Variants in ASAP2 observed in about 807,000 individuals in gnomAD.
The protein encoded by ASAP2 is ArfGAP with SH3 domain, ankyrin repeat and PH domain 2, also known as arf-GAP with SH3 domain, ANK repeat and PH domain-containing protein 2.
In ASAP2, 45 loss-of-function variants were observed where a neutral mutation model predicts 131.4. That is an observed-to-expected ratio of 0.34 (90% CI 0.27 to 0.44). ASAP2 has a LOEUF of 0.44. ASAP2 is among the 20% of genes least tolerant of loss of function. The pLI is 1.00. For missense variants in ASAP2, 1,011 were observed against 1,297.0 expected (o/e 0.78, Z 3.39); for synonymous variants, 510 against 503.0 (o/e 1.01, Z -0.19).
rs963516048 is a variant in ASAP2 at position 9,389,902 on chromosome 2, C to T, written c.2384-1160C>T. 2.0e-5 allele frequency among the ~76,000 whole-genome samples: 3 copies of T among 152,170 alleles called. No individual in the cohort carries two copies. The highest frequency in any genetic ancestry group is 4.1e-4 in the South Asian group (2 of 4,822). ...GGCTGGTCGGGGCCCAGGGTGGGTGCGGCTTTCTCCCCGCCTCTCCCAGAT... is the reference window on the plus strand; with the variant it reads ...GGCTGGTCGGGGCCCAGGGTGGGTGTGGCTTTCTCCCCGCCTCTCCCAGAT... On this transcript the variant is annotated intron_variant, in intron 22 of 27. Coordinates refer to ENST00000281419, the MANE Select transcript of ASAP2 (RefSeq NM_003887.3). This position sits in a 1 kb window ranked among gnomAD's most constrained non-coding sequence, Gnocchi z 4.7.
At chr2:9,350,308 C>T (rs1200892886) in intron 11 of ASAP2, among the ~76,000 whole-genome samples, 3 of 152,126 alleles carry the variant, frequency 2.0e-5, no homozygotes, top group South Asian at 2.1e-4. Context: ...TATCTGTCAC[C>T]ACTTCAAACA....
intron 1 of ASAP2, among the ~76,000 whole-genome samples, chr2:9,277,755 G>T (rs976793935): frequency 1.3e-5 from 2 of 152,114 alleles, no homozygotes; most frequent in African/African-American, 4.8e-5. Context: ...GCTCACTCTT[G>T]TACATTCCAT....
At chr2:9,340,154 C>G (rs1671484394) in intron 9 of ASAP2, among the ~76,000 whole-genome samples, 1 of 152,202 alleles carries the variant, frequency 6.6e-6, no homozygotes, top group African/African-American at 2.4e-5. Flanking sequence ...TCCCAATTAG[C>G]TGGGATTACA....
At chr2:9,317,614 A>G (rs1669851988) in intron 3 of ASAP2, among the ~76,000 whole-genome samples, 1 of 150,110 alleles carries the variant, frequency 6.7e-6, no homozygotes, top group Admixed American at 6.6e-5. Flanking sequence ...ACTCACATCC[A>G]CAATCACACC....
chr2:9,208,994 T>A (rs1661345693), intron 1 of ASAP2, among the ~76,000 whole-genome samples: 1 of 140,762 alleles, frequency 7.1e-6, no homozygotes. Flanking sequence ...CTATTAAAAT[T>A]GGCATACCTT....
intron 3 of ASAP2, among the ~76,000 whole-genome samples, chr2:9,303,556 G>A (rs1171074473): frequency 3.9e-5 from 6 of 152,264 alleles, no homozygotes; most frequent in African/African-American, 1.4e-4. Flanking sequence ...GCTGACAGTC[G>A]CTTTGGGCCC....
In ASAP2 at chr2:9,383,543, G is replaced by A. The variant is rs141271431; in HGVS notation, c.2017-1702G>A. ...CAAAATGCTGGGATTACAGGTGTGA[G>A]CCACTCCACTGGATGGTAAACAATT... On this transcript the variant is annotated intron_variant, in intron 20 of 27. Coordinates refer to ENST00000281419, the MANE Select transcript of ASAP2 (RefSeq NM_003887.3). Among the ~76,000 whole-genome samples, 60 of 152,256 alleles carry A rather than the reference G, an allele frequency of 3.9e-4. No individual in the cohort carries two copies. The East Asian group carries it at 0.01, about 25-fold the overall frequency.
At chr2:9,271,920 T>C (rs1572317743) in intron 1 of ASAP2, among the ~76,000 whole-genome samples, 1 of 152,306 alleles carries the variant, frequency 6.6e-6, no homozygotes, top group Non-Finnish European at 1.5e-5. Context: ...TAGTACTCCA[T>C]TGTGTATAGG....
At chr2:9,305,560 G>T (rs1270032062) in intron 3 of ASAP2, among the ~76,000 whole-genome samples, 3 of 142,002 alleles carry the variant, frequency 2.1e-5, no homozygotes, top group Non-Finnish European at 3.1e-5. Flanking sequence ...GATATTGGTG[G>T]AGGGGCTGTA....
At chr2:9,290,051 G>A (rs1667716143) in intron 2 of ASAP2, among the ~76,000 whole-genome samples, 1 of 152,158 alleles carries the variant, frequency 6.6e-6, no homozygotes, top group African/African-American at 2.4e-5. Flanking sequence ...TATGAATAGG[G>A]AGGACATTCT....
intron 1 of ASAP2, 90 bp from the exon 2 acceptor site, chr2:9,279,227 A>G (rs1299670615): frequency 8.1e-7 from 1 of 1,241,140 alleles, no homozygotes; most frequent in Non-Finnish European, 1.2e-6. Flanking sequence ...GACCTGGCAG[A>G]GGCAATCAGA....
In ASAP2 at chr2:9,245,499, A is replaced by G. The variant is rs1045773104; in HGVS notation, c.127-33818A>G. Among the ~76,000 whole-genome samples, 54 of 100,076 alleles carry G rather than the reference A, an allele frequency of 5.4e-4. 1 individual carries two copies. Among genetic ancestry groups the G allele is most frequent in the African/African-American group, 3.0e-3 (46 of 15,238 alleles). The allele number at this position is 100,076 out of a possible 152,430, so 65.7% of individuals were successfully genotyped here. ...CTGTTGGTCATTTCTCAAAGTGATG[A>G]CGTTACCTTCTGTAACCTACACTTA... is the stretch of plus-strand genomic sequence containing the variant. On this transcript the variant is annotated intron_variant, in intron 1 of 27. Transcript: ENST00000281419.
At chr2:9,278,113 T>A (rs1666870365) in intron 1 of ASAP2, among the ~76,000 whole-genome samples, 1 of 152,214 alleles carries the variant, frequency 6.6e-6, no homozygotes, top group African/African-American at 2.4e-5. Context: ...TATGTGCCAG[T>A]AGCTGTAGGG....
At position 9,348,902 on chromosome 2, in the gene ASAP2, C is replaced by A. The variant is rs192178677; in HGVS notation, c.1024-1906C>A. On this transcript the variant is annotated intron_variant, in intron 11 of 27. Coordinates refer to ENST00000281419, the MANE Select transcript of ASAP2 (RefSeq NM_003887.3). Reference sequence around the variant, plus strand: ...ATAAGTCCAGGCAAGCAACCGCCTTCCATGGATACCCACGTCGAGGACAGG... The same window carrying A: ...ATAAGTCCAGGCAAGCAACCGCCTTACATGGATACCCACGTCGAGGACAGG... 4.0e-4 allele frequency among the ~76,000 whole-genome samples: 61 copies of A among 152,296 alleles called. 1 individual carries two copies. Among genetic ancestry groups the A allele is most frequent in the African/African-American group, 1.3e-3 (52 of 41,562 alleles).
chr2:9,329,042 C>T (rs528657698), intron 7 of ASAP2, among the ~76,000 whole-genome samples: 31 of 152,304 alleles, frequency 2.0e-4, no homozygotes, highest in Admixed American at 4.6e-4. Context: ...AGGTACTCGG[C>T]TGTTTCTTGA....
chr2:9,296,584 G>A (rs558905923), intron 2 of ASAP2, among the ~76,000 whole-genome samples: 8 of 152,372 alleles, frequency 5.3e-5, no homozygotes, highest in African/African-American at 1.9e-4. Context: ...TCAGGCACAC[G>A]ACTTCGTCGA....
intron 7 of ASAP2, among the ~76,000 whole-genome samples, 187 bp from the exon 8 acceptor site, chr2:9,334,551 G>A (rs1381440357): frequency 2.0e-5 from 3 of 152,028 alleles, no homozygotes; most frequent in Non-Finnish European, 4.4e-5. Flanking sequence ...TTTTCTGTTC[G>A]CTCCTGCTAA....
intron 14 of ASAP2, among the ~76,000 whole-genome samples, chr2:9,358,101 C>T (rs1572538850): frequency 1.3e-5 from 2 of 152,144 alleles, no homozygotes; most frequent in Non-Finnish European, 2.9e-5. Flanking sequence ...ACAGTCTGCT[C>T]TGCACTCCCT....
At chr2:9,376,519 C>T (rs1320971571) in intron 17 of ASAP2, among the ~76,000 whole-genome samples, 1 of 152,236 alleles carries the variant, frequency 6.6e-6, no homozygotes, top group African/African-American at 2.4e-5. Flanking sequence ...TATGTTTCTA[C>T]TCAAGGAGCA....
Sources: gnomAD v4.1 joint callset for allele counts (sites outside exome capture counted in the v4.1 genomes callset) on GRCh38, gnomAD v4.1.1 for gene constraint, Gnocchi (gnomAD v3.1) non-coding constraint, MANE v1.5 for transcripts, NCBI Gene and HGNC (gene_info 2026-07-23, HGNC 2026-07-21) for gene names.